Variants in FRMD4B observed in about 807,000 individuals in gnomAD.
FRMD4B encodes FERM domain containing 4B.
In FRMD4B, 74 loss-of-function variants were observed where a neutral mutation model predicts 141.5. The ratio of observed to expected loss-of-function variants is 0.52; its 90% CI spans 0.43 to 0.63. The LOEUF is 0.63. FRMD4B is among the 30% of genes least tolerant of loss of function. The pLI is 0.00. For missense variants in FRMD4B, 1,366 were observed against 1,253.4 expected (o/e 1.09, Z -1.36); for synonymous variants, 506 against 467.9 (o/e 1.08, Z -1.05).
intron 19 of FRMD4B, among the ~76,000 whole-genome samples, chr3:69,187,045 T>C (rs2092775624): frequency 6.6e-6 from 1 of 152,140 alleles, no homozygotes; most frequent in South Asian, 2.1e-4. Context: ...TTAAGTCCCA[T>C]GTTTATTTGC....
intron 5 of FRMD4B, among the ~76,000 whole-genome samples, chr3:69,251,899 G>A (rs1458429549): frequency 6.6e-6 from 1 of 152,186 alleles, no homozygotes; most frequent in Non-Finnish European, 1.5e-5. Context: ...AGAAACTCAC[G>A]GCAAGGGAGG....
At chr3:69,443,966 T>C (rs1240075733) in intron 1 of FRMD4B, among the ~76,000 whole-genome samples, 1 of 152,210 alleles carries the variant, frequency 6.6e-6, no homozygotes, top group Non-Finnish European at 1.5e-5. Context: ...AACCCAAGAT[T>C]GGTCTTTTGA....
chr3:69,416,222 C>T (rs1298337961), intron 2 of FRMD4B, among the ~76,000 whole-genome samples: 1 of 152,148 alleles, frequency 6.6e-6, no homozygotes, highest in Non-Finnish European at 1.5e-5. Flanking sequence ...AGCTGACATA[C>T]AGAAAGAAAA....
intron 1 of FRMD4B, among the ~76,000 whole-genome samples, chr3:69,503,477 C>A (rs1409092622): frequency 7.4e-6 from 1 of 135,592 alleles, no homozygotes. Context: ...TAGGAGGGAA[C>A]TGAACAAGGA....
chr3:69,503,151 G>A (rs565737988), intron 1 of FRMD4B, among the ~76,000 whole-genome samples: 1 of 152,292 alleles, frequency 6.6e-6, no homozygotes, highest in African/African-American at 2.4e-5. Flanking sequence ...TCTAGAGCTA[G>A]AAATACCATT....
intron 1 of FRMD4B, among the ~76,000 whole-genome samples, chr3:69,340,756 A>G (rs1323751661): frequency 1.3e-5 from 2 of 152,156 alleles, no homozygotes; most frequent in African/African-American, 4.8e-5. Context: ...TATGAGTGTT[A>G]TCGTCTTTTA....
chr3:69,383,652 T>C (rs1704177232), intron 1 of FRMD4B, among the ~76,000 whole-genome samples: 2 of 152,224 alleles, frequency 1.3e-5, no homozygotes, highest in Non-Finnish European at 2.9e-5. Flanking sequence ...ATTGAACTCC[T>C]GGGCTCAAGT....
intron 14 of FRMD4B, among the ~76,000 whole-genome samples, 164 bp from the exon 15 acceptor site, chr3:69,195,528 C>G (rs570789333): frequency 6.6e-6 from 1 of 152,252 alleles, no homozygotes; most frequent in East Asian, 1.9e-4. Flanking sequence ...TTTTCTCATT[C>G]TTCTGGGCAT....
At chr3:69,347,333 A>C (rs1168521676) in intron 1 of FRMD4B, among the ~76,000 whole-genome samples, 1 of 152,216 alleles carries the variant, frequency 6.6e-6, no homozygotes, top group Non-Finnish European at 1.5e-5. Flanking sequence ...TTCATGAAGC[A>C]AGTCCTTAGA....
In FRMD4B at chr3:69,351,927, C is replaced by T. The variant is rs544080452; in HGVS notation, c.162+33901G>A. On this transcript the variant is annotated intron_variant, in intron 1 of 22. Transcript: ENST00000398540. ...TGCTCAGCCAATAATATTTGTCCAC[C>T]ACCCATCACCCTGCCTCCTGATAGT... 2.6e-5 allele frequency among the ~76,000 whole-genome samples: 4 copies of T among 152,268 alleles called. No individual in the cohort carries two copies. In the South Asian group the frequency reaches 6.2e-4, roughly 24 times the overall value.
intron 2 of FRMD4B, among the ~76,000 whole-genome samples, chr3:69,431,508 T>C (rs1426468284): frequency 2.0e-5 from 3 of 152,324 alleles, no homozygotes; most frequent in African/African-American, 4.8e-5. Context: ...AAGTACACTT[T>C]ACTCAATGAT....
At chr3:69,265,743 G>A (rs2093558540) in intron 5 of FRMD4B, among the ~76,000 whole-genome samples, 1 of 151,922 alleles carries the variant, frequency 6.6e-6, no homozygotes, top group African/African-American at 2.4e-5. Context: ...CACAGCGCCT[G>A]GCCACATATT....
intron 1 of FRMD4B, among the ~76,000 whole-genome samples, chr3:69,378,310 A>G (rs1045746893): frequency 6.6e-6 from 1 of 152,180 alleles, no homozygotes; most frequent in Non-Finnish European, 1.5e-5. Context: ...AGTTCTGCCA[A>G]TGACTGAGAA....
rs944808684 is a variant in FRMD4B at position 69,322,159 on chromosome 3, C to A, written c.163-8642G>T. Among the ~76,000 whole-genome samples the A allele has an allele frequency of 9.2e-5, 14 of 152,302 alleles. 1 individual carries two copies. The highest frequency in any genetic ancestry group is 9.2e-4 in the Admixed American group (14 of 15,288). ...TAAACTCCTCATCAGATGAGATATTCTGGAGGAACTGGAGAGCGGGAGAAG... is the reference window on the plus strand; with the variant it reads ...TAAACTCCTCATCAGATGAGATATTATGGAGGAACTGGAGAGCGGGAGAAG... On this transcript the variant is annotated intron_variant, in intron 1 of 22. Coordinates refer to ENST00000398540, the MANE Select transcript of FRMD4B (RefSeq NM_015123.3).
chr3:69,199,553 T>A (rs1481167687), intron 11 of FRMD4B, among the ~76,000 whole-genome samples: 1 of 152,186 alleles, frequency 6.6e-6, no homozygotes, highest in Non-Finnish European at 1.5e-5. Flanking sequence ...GAGATACCAC[T>A]TTCCTACCTA....
At chr3:69,204,634 A>C (rs1218768198) in intron 11 of FRMD4B, among the ~76,000 whole-genome samples, 1 of 152,244 alleles carries the variant, frequency 6.6e-6, no homozygotes, top group South Asian at 2.1e-4. Flanking sequence ...ATAGGCTTCT[A>C]TAAAGCCCAA....
intron 2 of FRMD4B, among the ~76,000 whole-genome samples, chr3:69,398,575 T>C (rs35839232): frequency 0.57 from 86,765 of 152,122 alleles, 26,919 homozygotes; most frequent in Non-Finnish European, 0.68. Context: ...CAAAAGCTTA[T>C]TCAGCAATGA....
intron 1 of FRMD4B, among the ~76,000 whole-genome samples, chr3:69,500,787 G>T (rs534467861): frequency 1.3e-5 from 2 of 151,100 alleles, no homozygotes; most frequent in South Asian, 4.3e-4. Flanking sequence ...GAACGCCCAC[G>T]CTCTCTTTTC....
intron 1 of FRMD4B, chr3:69,353,732 G>A (rs1031913382): frequency 4.1e-6 from 4 of 981,956 alleles, no homozygotes; most frequent in Non-Finnish European, 3.6e-6. Flanking sequence ...GACGCCTTCC[G>A]CTGCCATATA....
Sources: gnomAD v4.1 joint callset for allele counts (sites outside exome capture counted in the v4.1 genomes callset) on GRCh38, gnomAD v4.1.1 for gene constraint, MANE v1.5 for transcripts, NCBI Gene and HGNC (gene_info 2026-07-23, HGNC 2026-07-21) for gene names.